Variants in SLC51A observed in about 807,000 individuals in gnomAD.
SLC51A encodes organic solute transporter subunit alpha.
In SLC51A, 22 loss-of-function variants were observed where a neutral mutation model predicts 34.8. The ratio of observed to expected loss-of-function variants is 0.63; its 90% CI spans 0.45 to 0.90. SLC51A has a LOEUF of 0.90. SLC51A is among the 40% of genes least tolerant of loss of function. The pLI, the probability that SLC51A is intolerant of heterozygous loss-of-function variation, is 0.00. For synonymous variants in SLC51A, 181 were observed against 176.3 expected (o/e 1.03, Z -0.21); for missense variants, 371 against 414.8 (o/e 0.89, Z 0.92).
Position 196,217,903 on chromosome 3 carries a change from T to C in SLC51A, c.100T>C (p.Ser34Pro), listed in dbSNP as rs1723638648. ...TNYGIPSACF[S>P]QPPTAAQLLR... ...TTACGGCATCCCCTCCGCCTGCTTC[T>C]CTCAGCCTCCCACAGCAGCCCAACT... The change falls in exon 2 of 9, where the codon TCT becomes CCT. Residue 34 changes from serine to proline, a missense_variant. By Grantham distance (74) the Ser-to-Pro change is moderately conservative. Coordinates refer to ENST00000296327, the MANE Select transcript of SLC51A (RefSeq NM_152672.6). 2 of 1,613,506 alleles carry C rather than the reference T, an allele frequency of 1.2e-6. No homozygotes were observed. The highest frequency in any genetic ancestry group is 2.2e-5 in the East Asian group (1 of 44,836).
intron 7 of SLC51A, among the ~76,000 whole-genome samples, chr3:196,230,573 C>A (rs556382299): frequency 7.3e-5 from 11 of 151,070 alleles, no homozygotes; most frequent in Middle Eastern, 3.4e-3. Flanking sequence ...GCAGTGGTGC[C>A]ATCTCAGGTT....
At chr3:196,222,461 C>T (rs1038949130) in intron 2 of SLC51A, among the ~76,000 whole-genome samples, 1 of 151,224 alleles carries the variant, frequency 6.6e-6, no homozygotes, top group Admixed American at 6.6e-5. Flanking sequence ...ATGGTGAAAC[C>T]CTATCTCTAC....
intron 7 of SLC51A, 111 bp from the exon 8 acceptor site, chr3:196,232,308 C>T (rs549177574): frequency 2.3e-5 from 17 of 731,294 alleles, no homozygotes; most frequent in Middle Eastern, 3.4e-4. Flanking sequence ...ACAGATCTGA[C>T]GGTGGGTGGA....
intron 2 of SLC51A, among the ~76,000 whole-genome samples, chr3:196,221,516 T>C (rs2108753783): frequency 6.6e-6 from 1 of 152,188 alleles, no homozygotes. Flanking sequence ...TCCTCCTGCC[T>C]CGGCCTCCTG....
chr3:196,231,004 C>A (rs1445375621), intron 7 of SLC51A, among the ~76,000 whole-genome samples: 1 of 152,192 alleles, frequency 6.6e-6, no homozygotes, highest in East Asian at 1.9e-4. Flanking sequence ...TTCTTCCTTT[C>A]CTTTTCTACC....
chr3:196,229,160 A>T (rs1408077280), intron 6 of SLC51A, among the ~76,000 whole-genome samples: 1 of 152,286 alleles, frequency 6.6e-6, no homozygotes, highest in Middle Eastern at 3.4e-3. Context: ...GCCATGATGC[A>T]TGGCTCACGA....
At chr3:196,226,145 C>G (rs923893425) in intron 2 of SLC51A, among the ~76,000 whole-genome samples, 1 of 152,004 alleles carries the variant, frequency 6.6e-6, no homozygotes, top group Non-Finnish European at 1.5e-5. Context: ...AGTGAGACCC[C>G]GTCTCTACAG....
rs1219190127 is a variant in SLC51A, at chr3:196,226,972, C to A, written c.141C>A (p.Gly47=). 3.1e-6 allele frequency: 5 copies of A among 1,612,894 alleles called. No homozygotes were observed. Among genetic ancestry groups the A allele is most frequent in the Non-Finnish European group, 4.2e-6 (5 of 1,179,382 alleles). Residue 47 remains glycine, a synonymous_variant, in exon 3 of 9, where the codon GGC becomes GGA. Coordinates refer to ENST00000296327, the MANE Select transcript of SLC51A (RefSeq NM_152672.6). ...PTAAQLLRAL[G]PVELALTSIL... is the part of the protein sequence containing the mutation. ...TGCCTTCTCCTCCTCTAGCCCTGGG[C>A]CCTGTGGAACTTGCCCTCACTAGCA...
intron 2 of SLC51A, among the ~76,000 whole-genome samples, chr3:196,219,983 C>T (rs901980696): frequency 6.6e-6 from 1 of 152,356 alleles, no homozygotes; most frequent in Admixed American, 6.5e-5. Flanking sequence ...CAAGCCTCGC[C>T]GCAGGCAGAG....
rs145510888 is a variant in SLC51A at position 196,217,615 on chromosome 3, AAGAG to A, written c.39-222_39-219del. ...GAAGGGGAAGGAAGAGAGAAAGAGA[AAGAG>A]AGAGCAGAAGGAAGGAAGGAAGGAG... On this transcript the variant is annotated intron_variant, in intron 1 of 8. Coordinates refer to ENST00000296327, the MANE Select transcript of SLC51A (RefSeq NM_152672.6). Among the ~76,000 whole-genome samples, 769 of 151,334 alleles carry A rather than the reference AAGAG, an allele frequency of 5.1e-3. 24 individuals carry two copies. The East Asian group carries it at 0.065, about 13-fold the overall frequency.
At chr3:196,220,989 C>T (rs1057358345) in intron 2 of SLC51A, among the ~76,000 whole-genome samples, 2 of 151,078 alleles carry the variant, frequency 1.3e-5, no homozygotes, top group Admixed American at 6.6e-5. Flanking sequence ...CTGCTGGGCT[C>T]AGGTGATCCT....
intron 2 of SLC51A, among the ~76,000 whole-genome samples, chr3:196,225,496 C>T (rs2108755146): frequency 6.6e-6 from 1 of 152,340 alleles, no homozygotes; most frequent in South Asian, 2.1e-4. Context: ...CTCGTGCTCA[C>T]CCCGCAAGGC....
intron 2 of SLC51A, among the ~76,000 whole-genome samples, 175 bp from the exon 3 acceptor site, chr3:196,226,789 AG>A (rs375674187): frequency 0.091 from 12,950 of 142,184 alleles, 906 homozygotes; most frequent in South Asian, 0.14. Context: ...AAAAAAAAAA[AG>A]AAAAAGAAAA....
At chr3:196,217,248 G>A (rs930251341) in intron 1 of SLC51A, among the ~76,000 whole-genome samples, 2 of 152,172 alleles carry the variant, frequency 1.3e-5, no homozygotes, top group Non-Finnish European at 2.9e-5. Context: ...CCCTGAGGCC[G>A]GGCGCCTGTA....
intron 2 of SLC51A, among the ~76,000 whole-genome samples, chr3:196,226,363 C>A (rs935276901): frequency 6.6e-6 from 1 of 151,934 alleles, no homozygotes; most frequent in Non-Finnish European, 1.5e-5. Flanking sequence ...CTGGTTTCAC[C>A]ATATAATTTT....
chr3:196,227,814 C>T, intron 4 of SLC51A, 77 bp downstream of exon 4: 2 of 1,365,100 alleles, frequency 1.5e-6, no homozygotes, highest in Non-Finnish European at 2.0e-6. Flanking sequence ...TGTCCTTGAT[C>T]CCAGCTGACC....
At chr3:196,220,732 G>A (rs557965061) in intron 2 of SLC51A, among the ~76,000 whole-genome samples, 2 of 152,272 alleles carry the variant, frequency 1.3e-5, no homozygotes, top group Admixed American at 1.3e-4. Flanking sequence ...CAAAGAAAGA[G>A]CAGGCAATCT....
intron 2 of SLC51A, among the ~76,000 whole-genome samples, chr3:196,218,200 T>C (rs973256019): frequency 6.6e-6 from 1 of 152,226 alleles, no homozygotes; most frequent in Admixed American, 6.5e-5. Context: ...TCATTCAAAC[T>C]GCGGACACTG....
At chr3:196,226,864 TG>T in intron 2 of SLC51A, 100 bp from the exon 3 acceptor site, 1 of 1,152,464 alleles carries the variant, frequency 8.7e-7, no homozygotes, top group Non-Finnish European at 1.2e-6. Flanking sequence ...TGTGCACGGG[TG>T]GGAGCCTAGA....
Sources: gnomAD v4.1 joint callset for allele counts (sites outside exome capture counted in the v4.1 genomes callset) on GRCh38, gnomAD v4.1.1 for gene constraint, MANE v1.5 for transcripts, NCBI Gene and HGNC (gene_info 2026-07-23, HGNC 2026-07-21) for gene names.